The following KIAA1328 variants were observed in gnomAD, a reference collection of about 807,000 sequenced individuals.
KIAA1328 encodes KIAA1328, also known as protein hinderin.
In KIAA1328, 52 loss-of-function variants were observed where a neutral mutation model predicts 68.1. The ratio of observed to expected loss-of-function variants is 0.76; its 90% CI spans 0.61 to 0.96. The LOEUF is 0.96. Among genes scored for constraint, KIAA1328 ranks in the 40% least tolerant of loss-of-function variants. The probability of loss-of-function intolerance (pLI) is 0.00; values close to 1 mark genes in which losing one functional copy is unlikely to be tolerated. For missense variants in KIAA1328, 641 were observed against 677.6 expected (o/e 0.95, Z 0.60); for synonymous variants, 232 against 239.4 (o/e 0.97, Z 0.28).
intron 9 of KIAA1328, among the ~76,000 whole-genome samples, chr18:37,212,310 A>T (rs574390662): frequency 2.4e-4 from 37 of 152,240 alleles, no homozygotes; most frequent in Non-Finnish European, 4.1e-4. Context: ...AAAGCTGCAA[A>T]AGAAAAATCT....
chr18:36,916,211 A>ATG (rs1417221031), intron 5 of KIAA1328, among the ~76,000 whole-genome samples: 2 of 151,746 alleles, frequency 1.3e-5, no homozygotes, highest in Non-Finnish European at 2.9e-5. Flanking sequence ...TCCAATTTAT[A>ATG]TATATATGTA....
intron 3 of KIAA1328, among the ~76,000 whole-genome samples, chr18:36,840,955 A>G (rs188600481): frequency 6.6e-6 from 1 of 152,306 alleles, no homozygotes; most frequent in East Asian, 1.9e-4. Flanking sequence ...TTCAGATTTC[A>G]CTACAGTCTG....
At chr18:36,958,135 C>T (rs1010326625) in intron 5 of KIAA1328, among the ~76,000 whole-genome samples, 1 of 152,046 alleles carries the variant, frequency 6.6e-6, no homozygotes, top group Non-Finnish European at 1.5e-5. Flanking sequence ...GGTAGCAGTA[C>T]TTCATTGCTT....
chr18:37,027,340 A>C (rs1401114850), intron 6 of KIAA1328, among the ~76,000 whole-genome samples: 1 of 152,146 alleles, frequency 6.6e-6, no homozygotes, highest in Non-Finnish European at 1.5e-5. Context: ...GCTACCAATG[A>C]CTTTCTTCAC....
At chr18:37,193,710 C>T in intron 9 of KIAA1328, 1 of 686,042 alleles carries the variant, frequency 1.5e-6, no homozygotes, top group South Asian at 1.6e-5. Context: ...TCATGTCCAG[C>T]TGGGTTAAAT....
At chr18:36,899,830 A>G (rs895097336) in intron 5 of KIAA1328, among the ~76,000 whole-genome samples, 2 of 151,990 alleles carry the variant, frequency 1.3e-5, no homozygotes, top group African/African-American at 2.4e-5. Flanking sequence ...TTCTTGCTGT[A>G]AGGTGCTAGC....
chr18:36,962,367 T>C (rs180844738), intron 6 of KIAA1328, among the ~76,000 whole-genome samples: 1 of 152,280 alleles, frequency 6.6e-6, no homozygotes, highest in Admixed American at 6.5e-5. Flanking sequence ...GATACAATAA[T>C]AATGGGAGAA....
chr18:37,114,553 A>G (rs1202707501), intron 7 of KIAA1328, among the ~76,000 whole-genome samples: 2 of 152,232 alleles, frequency 1.3e-5, no homozygotes. Context: ...CACAAGAGAA[A>G]GCAGGAAAGA....
chr18:37,017,156 T>G (rs1226914429), intron 6 of KIAA1328, among the ~76,000 whole-genome samples: 1 of 152,118 alleles, frequency 6.6e-6, no homozygotes, highest in Admixed American at 6.5e-5. Flanking sequence ...TGTTTTGGTA[T>G]GTCTCCTTTT....
At chr18:37,175,036 T>C (rs2059573188) in intron 9 of KIAA1328, among the ~76,000 whole-genome samples, 1 of 152,180 alleles carries the variant, frequency 6.6e-6, no homozygotes, top group African/African-American at 2.4e-5. Context: ...AAGTTGTGTT[T>C]CTGAAATGTT....
At chr18:37,024,154 T>G (rs1313093615) in intron 6 of KIAA1328, among the ~76,000 whole-genome samples, 1 of 151,852 alleles carries the variant, frequency 6.6e-6, no homozygotes, top group Admixed American at 6.6e-5. Flanking sequence ...CACCATGCCC[T>G]GCTGATTTTT....
At chr18:36,882,389 G>A (rs2048353183) in intron 4 of KIAA1328, among the ~76,000 whole-genome samples, 1 of 152,112 alleles carries the variant, frequency 6.6e-6, no homozygotes, top group African/African-American at 2.4e-5. Context: ...AACGTAAGAA[G>A]ACAGATTTCA....
At chr18:37,216,899 C>CTTTTTTTTTTTTTTTTTTT (rs762745405) in intron 9 of KIAA1328, among the ~76,000 whole-genome samples, 2 of 90,360 alleles carry the variant, frequency 2.2e-5, no homozygotes, top group Non-Finnish European at 4.4e-5. Flanking sequence ...TTCTTTGTCT[C>CTTTTTTTTTTTTTTTTTTT]TTTTTTTTTT....
At chr18:36,890,680 G>A (rs965125742) in intron 5 of KIAA1328, among the ~76,000 whole-genome samples, 1 of 151,978 alleles carries the variant, frequency 6.6e-6, no homozygotes, top group Non-Finnish European at 1.5e-5. Context: ...CAAAAATAAA[G>A]TAAACCTAAC....
At chr18:36,926,287 C>G (rs1303812432) in intron 5 of KIAA1328, among the ~76,000 whole-genome samples, 1 of 152,134 alleles carries the variant, frequency 6.6e-6, no homozygotes, top group African/African-American at 2.4e-5. Flanking sequence ...TCTCTAATAG[C>G]AGATGGCAGC....
intron 6 of KIAA1328, among the ~76,000 whole-genome samples, chr18:36,982,067 C>G (rs1210759649): frequency 6.9e-6 from 1 of 144,100 alleles, no homozygotes; most frequent in Non-Finnish European, 1.5e-5. Context: ...TCTAAGTGAT[C>G]TAATTAATAT....
chr18:36,949,986 A>T (rs2051093342), intron 5 of KIAA1328, among the ~76,000 whole-genome samples: 2 of 152,234 alleles, frequency 1.3e-5, no homozygotes, highest in Non-Finnish European at 2.9e-5. Flanking sequence ...AGCTTCATAA[A>T]CAGGTGTAAA....
chr18:36,995,349 G>A lies in KIAA1328; in HGVS notation c.576+35914G>A, dbSNP rs149749141. On this transcript the variant is annotated intron_variant, in intron 6 of 9. Coordinates refer to ENST00000280020, the MANE Select transcript of KIAA1328 (RefSeq NM_020776.3). ...ATATGTGCCACATTTTCTTAATCCAGTCTATCATTGATGGACATTTGGGTT... is the reference window on the plus strand; with the variant it reads ...ATATGTGCCACATTTTCTTAATCCAATCTATCATTGATGGACATTTGGGTT... Among the ~76,000 whole-genome samples the A allele has an allele frequency of 9.9e-5, 15 of 152,192 alleles. No individual in the cohort carries two copies. The East Asian group carries it at 2.9e-3, about 29-fold the overall frequency.
At chr18:37,228,972 T>C (rs988547764), downstream of KIAA1328, among the ~76,000 whole-genome samples, 2 of 152,228 alleles carry the variant, frequency 1.3e-5, no homozygotes, top group Admixed American at 6.5e-5. Flanking sequence ...TGGACTACAG[T>C]TGTGTGAACA....
Sources: gnomAD v4.1 joint callset for allele counts (sites outside exome capture counted in the v4.1 genomes callset) on GRCh38, gnomAD v4.1.1 for gene constraint, MANE v1.5 for transcripts, NCBI Gene and HGNC (gene_info 2026-07-23, HGNC 2026-07-21) for gene names.